The following ATXN1 variants were observed in gnomAD, a reference collection of about 807,000 sequenced individuals.
The protein encoded by ATXN1 is ataxin 1.
Under a neutral mutation model 56.4 loss-of-function variants are expected in ATXN1, and 8 were observed. That is an observed-to-expected ratio of 0.14 (90% CI 0.08 to 0.26). The LOEUF (loss-of-function observed/expected upper bound fraction) is 0.26, where lower values mean the gene tolerates loss of function less well. Among genes scored for constraint, ATXN1 ranks in the 10% least tolerant of loss-of-function variants. The pLI is 1.00. For synonymous variants in ATXN1, 514 were observed against 494.6 expected (o/e 1.04, Z -0.52); for missense variants, 987 against 1,106.5 (o/e 0.89, Z 1.53).
chr6:16,753,093 C>G, intron 2 of ATXN1, 140 bp downstream of exon 2: 1 of 358,288 alleles, frequency 2.8e-6, no homozygotes, highest in South Asian at 2.1e-5. Context: ...TTCTCAACTT[C>G]CCACACTATG....
At chr6:16,704,766 G>C (rs967166936) in intron 2 of ATXN1, among the ~76,000 whole-genome samples, 1 of 152,180 alleles carries the variant, frequency 6.6e-6, no homozygotes, top group Non-Finnish European at 1.5e-5. Context: ...CCCTACCTCA[G>C]AGCTGAAGTG....
At chr6:16,653,569 C>T (rs970096396) in intron 3 of ATXN1, among the ~76,000 whole-genome samples, 1 of 152,186 alleles carries the variant, frequency 6.6e-6, no homozygotes, top group African/African-American at 2.4e-5. Context: ...TTCTCCTAGC[C>T]TGCTGCTCCA....
chr6:16,338,472 G>A (rs565879006), intron 6 of ATXN1, among the ~76,000 whole-genome samples: 160 of 152,312 alleles, frequency 1.1e-3, no homozygotes, highest in Non-Finnish European at 1.1e-3. Flanking sequence ...CAGCCTGGGC[G>A]ACAGAGCGAG....
intron 6 of ATXN1, among the ~76,000 whole-genome samples, chr6:16,366,784 A>C (rs1157096624): frequency 6.6e-6 from 1 of 151,604 alleles, no homozygotes; most frequent in African/African-American, 2.4e-5. Context: ...CTGTCTGAAA[A>C]AAAAAAAAAA....
At chr6:16,512,801 GA>G (rs1436476869) in intron 5 of ATXN1, among the ~76,000 whole-genome samples, 1 of 152,280 alleles carries the variant, frequency 6.6e-6, no homozygotes, top group African/African-American at 2.4e-5. Flanking sequence ...CTTTAAAAGA[GA>G]GACAGGAGAA....
intron 6 of ATXN1, among the ~76,000 whole-genome samples, chr6:16,435,091 G>A (rs1759361151): frequency 6.6e-6 from 1 of 152,186 alleles, no homozygotes; most frequent in African/African-American, 2.4e-5. Context: ...AGGACTTTTA[G>A]GCATCTGTCT....
At chr6:16,323,392 G>C (rs9477083) in intron 7 of ATXN1, among the ~76,000 whole-genome samples, 2 of 151,946 alleles carry the variant, frequency 1.3e-5, no homozygotes, top group Non-Finnish European at 2.9e-5. Flanking sequence ...GATGGCGTGT[G>C]CCTGTAGTCT....
chr6:16,716,408 C>T (rs969089998), intron 2 of ATXN1, among the ~76,000 whole-genome samples: 2 of 152,188 alleles, frequency 1.3e-5, no homozygotes, highest in Non-Finnish European at 2.9e-5. Context: ...AAACTCACAA[C>T]GTCCTCCAAA....
intron 2 of ATXN1, among the ~76,000 whole-genome samples, chr6:16,662,738 T>C (rs1039145653): frequency 8.5e-5 from 13 of 152,240 alleles, no homozygotes; most frequent in Non-Finnish European, 1.6e-4. Context: ...AACAGAAAGG[T>C]AGCCTCTTGC....
chr6:16,667,982 T>C (rs1758465948), intron 2 of ATXN1, among the ~76,000 whole-genome samples: 1 of 152,230 alleles, frequency 6.6e-6, no homozygotes. Context: ...GGCTTACCTA[T>C]GTGCTCTCTG....
intron 2 of ATXN1, among the ~76,000 whole-genome samples, chr6:16,744,393 C>A (rs113089959): frequency 2.6e-5 from 4 of 152,160 alleles, no homozygotes; most frequent in African/African-American, 9.7e-5. Context: ...GTAAAGACCC[C>A]GACCCCAGAG....
chr6:16,702,168 A>G (rs1759299847), intron 2 of ATXN1, among the ~76,000 whole-genome samples: 1 of 152,216 alleles, frequency 6.6e-6, no homozygotes, highest in African/African-American at 2.4e-5. Context: ...CAGAGCCCTC[A>G]GAAATAATGC....
At chr6:16,642,236 A>C (rs1420960309) in intron 3 of ATXN1, among the ~76,000 whole-genome samples, 1 of 152,212 alleles carries the variant, frequency 6.6e-6, no homozygotes, top group Non-Finnish European at 1.5e-5. Flanking sequence ...TCTACTAAAA[A>C]TACAAAAAAT....
rs1327585249 is a variant in ATXN1 at position 16,365,604 on chromosome 6, C to A, written c.-160-37134G>T. Among the ~76,000 whole-genome samples the A allele has an allele frequency of 5.3e-5, 8 of 152,324 alleles. No individual in the cohort carries two copies. The East Asian group carries it at 1.5e-3, about 29-fold the overall frequency. ...GTGTCCATGGAAAAAAATGACATAACCAAATAGAAAATCTCTAGAAACATT... is the reference window on the plus strand; with the variant it reads ...GTGTCCATGGAAAAAAATGACATAAACAAATAGAAAATCTCTAGAAACATT... On this transcript the variant is annotated intron_variant, in intron 6 of 7. Transcript: ENST00000436367.
intron 2 of ATXN1, among the ~76,000 whole-genome samples, chr6:16,687,585 G>A (rs1005571673): frequency 6.0e-5 from 9 of 149,622 alleles, no homozygotes; most frequent in East Asian, 2.0e-4. Context: ...TTAGAATTTC[G>A]CAGGAAAAAG....
chr6:16,321,038 A>G (rs2113398220), intron 7 of ATXN1, among the ~76,000 whole-genome samples: 1 of 152,272 alleles, frequency 6.6e-6, no homozygotes, highest in South Asian at 2.1e-4. Flanking sequence ...TCAGGGCCCG[A>G]GCCATCTAAG....
At chr6:16,708,084 T>C (rs555336285) in intron 2 of ATXN1, among the ~76,000 whole-genome samples, 26 of 151,870 alleles carry the variant, frequency 1.7e-4, no homozygotes, top group Non-Finnish European at 3.4e-4. Context: ...AAAATGAACA[T>C]ATACAATGAC....
intron 2 of ATXN1, among the ~76,000 whole-genome samples, chr6:16,668,336 C>A (rs949272019): frequency 8.3e-6 from 1 of 120,736 alleles, no homozygotes; most frequent in African/African-American, 3.1e-5. Context: ...TAATGCTATC[C>A]CTCCCCCCTC....
chr6:16,754,064 G>C (rs933854236), intron 1 of ATXN1: 5 of 152,192 alleles, frequency 3.3e-5, no homozygotes, highest in African/African-American at 1.2e-4. Flanking sequence ...GGAGCTTGGT[G>C]CTTGTAGTAG....
Sources: allele counts gnomAD v4.1 joint callset (sites outside exome capture counted in the v4.1 genomes callset), GRCh38; gene constraint gnomAD v4.1.1; transcripts MANE v1.5; gene names NCBI Gene and HGNC (gene_info 2026-07-23, HGNC 2026-07-21).